The following SLC14A2 variants were observed in gnomAD, a reference collection of about 807,000 sequenced individuals.
SLC14A2 encodes the protein urea transporter 2.
Under a neutral mutation model 104.6 loss-of-function variants are expected in SLC14A2, and 91 were observed. That is an observed-to-expected ratio of 0.87 (90% CI 0.73 to 1.04). The LOEUF is 1.04. Among genes scored for constraint, SLC14A2 ranks in the 50% least tolerant of loss-of-function variants. The pLI, the probability that SLC14A2 is intolerant of heterozygous loss-of-function variation, is 0.00. For missense variants in SLC14A2, 1,189 were observed against 1,156.0 expected (o/e 1.03, Z -0.41); for synonymous variants, 476 against 466.4 (o/e 1.02, Z -0.27).
intron 1 of SLC14A2, among the ~76,000 whole-genome samples, chr18:45,383,582 C>T (rs1190399680): frequency 6.6e-6 from 1 of 152,152 alleles, no homozygotes; most frequent in Non-Finnish European, 1.5e-5. Context: ...GCAATATTTA[C>T]ATGTGTTAGG....
chr18:45,302,693 A>G (rs1470761672), intron 1 of SLC14A2, among the ~76,000 whole-genome samples: 1 of 152,224 alleles, frequency 6.6e-6, no homozygotes, highest in Non-Finnish European at 1.5e-5. Context: ...AATAATATTC[A>G]TTATAGTCTC....
At chr18:45,571,890 G>T (rs2144337702) in intron 2 of SLC14A2, among the ~76,000 whole-genome samples, 1 of 152,302 alleles carries the variant, frequency 6.6e-6, no homozygotes, top group Middle Eastern at 3.4e-3. Flanking sequence ...AACATTATCT[G>T]TACCTACAGT....
chr18:45,200,062 T>C, the SLC14A2 span, among the ~76,000 whole-genome samples: 10 of 152,010 alleles, frequency 6.6e-5, no homozygotes, highest in South Asian at 2.1e-4. Flanking sequence ...ATCTATAGGT[T>C]TTCTTTCTTT....
intron 16 of SLC14A2, among the ~76,000 whole-genome samples, chr18:45,672,385 C>T (rs1268569717): frequency 6.6e-6 from 1 of 152,110 alleles, no homozygotes; most frequent in Non-Finnish European, 1.5e-5. Context: ...CAACATTAGC[C>T]AGGCATGGCG....
chr18:45,675,585 G>A (rs1177467333), intron 18 of SLC14A2, among the ~76,000 whole-genome samples: 1 of 150,998 alleles, frequency 6.6e-6, no homozygotes, highest in Non-Finnish European at 1.5e-5. Context: ...CATGATCACG[G>A]CTCACTGCAG....
intron 1 of SLC14A2, among the ~76,000 whole-genome samples, chr18:45,295,814 A>G (rs1295079685): frequency 6.6e-6 from 1 of 152,178 alleles, no homozygotes; most frequent in Non-Finnish European, 1.5e-5. Flanking sequence ...GGTCTCTTTT[A>G]TCAAAGAAAC....
intron 1 of SLC14A2, among the ~76,000 whole-genome samples, chr18:45,329,129 T>C (rs2085265191): frequency 6.6e-6 from 1 of 152,222 alleles, no homozygotes; most frequent in African/African-American, 2.4e-5. Flanking sequence ...TGATGATCTA[T>C]TTGTTTATTT....
chr18:45,566,760 T>C (rs1425407312), intron 2 of SLC14A2, among the ~76,000 whole-genome samples: 1 of 152,178 alleles, frequency 6.6e-6, no homozygotes, highest in African/African-American at 2.4e-5. Context: ...AGATGACATC[T>C]CCACGAACAG....
At chr18:45,604,253 G>A (rs1044431619) in intron 2 of SLC14A2, among the ~76,000 whole-genome samples, 1 of 152,176 alleles carries the variant, frequency 6.6e-6, no homozygotes, top group African/African-American at 2.4e-5. Context: ...TCTAAATGAT[G>A]AAATTGGTGT....
At chr18:45,555,779 G>C (rs142282364) in intron 2 of SLC14A2, among the ~76,000 whole-genome samples, 1 of 152,146 alleles carries the variant, frequency 6.6e-6, no homozygotes, top group Non-Finnish European at 1.5e-5. Context: ...TACTTGGGTC[G>C]CCAAGGGCTG....
At chr18:45,584,230 T>C (rs1488505722) in intron 2 of SLC14A2, among the ~76,000 whole-genome samples, 1 of 152,180 alleles carries the variant, frequency 6.6e-6, no homozygotes, top group Non-Finnish European at 1.5e-5. Flanking sequence ...ATTTTTCAGA[T>C]GGTGTTGCAT....
chr18:45,621,786 A>C (rs1400478889), intron 1 of SLC14A2, among the ~76,000 whole-genome samples: 2 of 152,164 alleles, frequency 1.3e-5, no homozygotes, highest in Non-Finnish European at 2.9e-5. Context: ...GTCCCATGAG[A>C]GTATGTGACA....
chr18:45,489,501 A>G, intron 2 of SLC14A2, among the ~76,000 whole-genome samples: 1 of 152,268 alleles, frequency 6.6e-6, no homozygotes, highest in South Asian at 2.1e-4. Flanking sequence ...ACAGAGCAAG[A>G]CTCTGTCTCA....
intron 1 of SLC14A2, among the ~76,000 whole-genome samples, chr18:45,285,808 TCTC>T (rs10536917): frequency 0.19 from 28,876 of 151,886 alleles, 4,246 homozygotes; most frequent in African/African-American, 0.41. Flanking sequence ...GCCTGTGTGG[TCTC>T]CTCTTTGGGG....
chr18:45,345,834 G>C (rs2085442098), intron 1 of SLC14A2, among the ~76,000 whole-genome samples: 1 of 152,164 alleles, frequency 6.6e-6, no homozygotes, highest in Non-Finnish European at 1.5e-5. Context: ...ATACTTACCT[G>C]AAGAATTGCA....
chr18:45,366,038 C>A (rs1002665224), intron 1 of SLC14A2, among the ~76,000 whole-genome samples: 88 of 150,874 alleles, frequency 5.8e-4, no homozygotes, highest in African/African-American at 2.1e-3. Context: ...GTTTTGTAAT[C>A]AAAAAATTCC....
chr18:45,681,488 G>T (rs1329744248), intron 19 of SLC14A2, among the ~76,000 whole-genome samples: 1 of 152,214 alleles, frequency 6.6e-6, no homozygotes, highest in African/African-American at 2.4e-5. Context: ...CTCAAATGAA[G>T]AGTGGAGAAG....
chr18:45,526,309 A>G (rs931550405), intron 2 of SLC14A2, among the ~76,000 whole-genome samples: 3 of 152,224 alleles, frequency 2.0e-5, no homozygotes, highest in African/African-American at 7.2e-5. Flanking sequence ...TGATACGGCC[A>G]GAAGTCACTG....
chr18:45,335,476 CAAAGT>C (rs990969501), intron 1 of SLC14A2, among the ~76,000 whole-genome samples: 29 of 402 alleles, frequency 0.072, no homozygotes, highest in African/African-American at 0.19. Context: ...TATGAGAATG[CAAAGT>C]GAAGTGTTTT....
Sources: gnomAD v4.1 joint callset for allele counts (sites outside exome capture counted in the v4.1 genomes callset) on GRCh38, gnomAD v4.1.1 for gene constraint, MANE v1.5 for transcripts, NCBI Gene and HGNC (gene_info 2026-07-23, HGNC 2026-07-21) for gene names.